The following MLLT10 variants were observed in gnomAD, a reference collection of about 807,000 sequenced individuals.
MLLT10 encodes the protein protein AF-10.
Under a neutral mutation model 129.1 loss-of-function variants are expected in MLLT10, and 30 were observed. That is an observed-to-expected ratio of 0.23 (90% CI 0.17 to 0.32). The LOEUF is 0.32. MLLT10 is among the 10% of genes least tolerant of loss of function. The probability of loss-of-function intolerance (pLI) is 1.00; values close to 1 mark genes in which losing one functional copy is unlikely to be tolerated. For missense variants in MLLT10, 1,119 were observed against 1,268.3 expected (o/e 0.88, Z 1.79); for synonymous variants, 490 against 446.4 (o/e 1.10, Z -1.23).
chr10:21,597,367 A>ATTTATT (rs1043086520), intron 5 of MLLT10, among the ~76,000 whole-genome samples: 2 of 152,012 alleles, frequency 1.3e-5, no homozygotes, highest in Admixed American at 6.6e-5. Flanking sequence ...TGGTCTTTTT[A>ATTTATT]TTTATTTTTA....
chr10:21,614,527 G>C (rs2045029673), intron 6 of MLLT10, among the ~76,000 whole-genome samples: 1 of 152,118 alleles, frequency 6.6e-6, no homozygotes, highest in South Asian at 2.1e-4. Context: ...TGAGGGGGAA[G>C]AGAATGTATC....
At chr10:21,560,480 G>A (rs900130710) in intron 3 of MLLT10, among the ~76,000 whole-genome samples, 1 of 152,018 alleles carries the variant, frequency 6.6e-6, no homozygotes, top group African/African-American at 2.4e-5. Flanking sequence ...CTGTCATTCA[G>A]CATTGAAGTG....
At chr10:21,554,722 A>G (rs930658287) in intron 3 of MLLT10, among the ~76,000 whole-genome samples, 2 of 151,706 alleles carry the variant, frequency 1.3e-5, no homozygotes, top group Non-Finnish European at 2.9e-5. Context: ...GGCCTCCCAA[A>G]GTGCTGGGAC....
intron 2 of MLLT10, among the ~76,000 whole-genome samples, 169 bp downstream of exon 2, chr10:21,534,973 G>T (rs904596262): frequency 6.7e-6 from 1 of 149,476 alleles, no homozygotes; most frequent in South Asian, 2.1e-4. Context: ...GTGGGAGAAA[G>T]TGCGTGTGGC....
chr10:21,624,813 C>T (rs955591360), intron 8 of MLLT10: 109 of 1,068,480 alleles, frequency 1.0e-4, no homozygotes, highest in Non-Finnish European at 1.4e-4. Context: ...CTGAGATCCA[C>T]GGGAACCACG....
At chr10:21,695,259 G>A (rs1347524460) in intron 13 of MLLT10, among the ~76,000 whole-genome samples, 1 of 151,872 alleles carries the variant, frequency 6.6e-6, no homozygotes, top group Non-Finnish European at 1.5e-5. Flanking sequence ...GGCTGGTCTC[G>A]AACTCCTGAC....
chr10:21,551,799 T>C (rs1277904345), intron 3 of MLLT10: 2 of 421,934 alleles, frequency 4.7e-6, no homozygotes, highest in Non-Finnish European at 9.2e-6. Flanking sequence ...TGTCTCTCTC[T>C]CTTTTTTTTT....
chr10:21,669,712 T>C (rs1415378770), intron 9 of MLLT10, among the ~76,000 whole-genome samples: 1 of 152,194 alleles, frequency 6.6e-6, no homozygotes, highest in African/African-American at 2.4e-5. Context: ...TGTAGTCATT[T>C]TATTCACCAT....
In MLLT10 at chr10:21,534,513, A is replaced by G; in HGVS notation, c.-8A>G. 1.0e-6 allele frequency: 1 copy of G among 959,748 alleles called. No individual in the cohort carries two copies. The highest frequency in any genetic ancestry group is 1.7e-5 in the South Asian group (1 of 58,752). 59.5% of individuals were successfully genotyped at this position (959,748 alleles called of 1,614,324 possible). On this transcript the variant is annotated 5_prime_UTR_variant, in exon 1 of 23. Transcript: ENST00000307729. ...GCGGAACGTGAGTGACTGAGCGGCA[A>G]AGCCCGAGTGAGCGAGCGGTGGGCT...
intron 14 of MLLT10, among the ~76,000 whole-genome samples, chr10:21,717,459 CTG>C (rs1481074878): frequency 2.0e-5 from 3 of 148,070 alleles, no homozygotes; most frequent in Non-Finnish European, 4.5e-5. Context: ...CTTTAAAAAA[CTG>C]TTTGATTTTA....
At chr10:21,651,456 A>G (rs2049022858) in intron 8 of MLLT10, among the ~76,000 whole-genome samples, 1 of 152,214 alleles carries the variant, frequency 6.6e-6, no homozygotes, top group South Asian at 2.1e-4. Context: ...GTTTATTAGT[A>G]TTATTTTAGG....
intron 8 of MLLT10, among the ~76,000 whole-genome samples, chr10:21,629,397 ACT>A (rs1475531521): frequency 1.4e-4 from 21 of 151,932 alleles, no homozygotes; most frequent in Middle Eastern, 6.8e-3. Context: ...TGTTATTTTT[ACT>A]CTCTATTGGA....
intron 8 of MLLT10, among the ~76,000 whole-genome samples, chr10:21,648,382 T>C (rs1039647512): frequency 3.3e-5 from 5 of 152,198 alleles, no homozygotes; most frequent in African/African-American, 9.7e-5. Context: ...CATCTCTATA[T>C]TGTATGTTTT....
chr10:21,649,244 T>G (rs1266628081), intron 8 of MLLT10, among the ~76,000 whole-genome samples: 1 of 151,942 alleles, frequency 6.6e-6, no homozygotes, highest in Non-Finnish European at 1.5e-5. Flanking sequence ...CTTGGCTAAT[T>G]TTTTATTTTT....
chr10:21,701,921 G>T (rs775027897), intron 13 of MLLT10, among the ~76,000 whole-genome samples: 1 of 146,634 alleles, frequency 6.8e-6, no homozygotes, highest in Admixed American at 6.9e-5. Flanking sequence ...TTCTCGTCTC[G>T]TCTCGTCTCG....
chr10:21,704,016 G>GTTTTTTTTTTTT lies in MLLT10; in HGVS notation c.1700-9744_1700-9733dup, dbSNP rs60982595. On this transcript the variant is annotated intron_variant, in intron 13 of 22. Transcript: ENST00000307729. The stretch of plus-strand genomic sequence containing the variant: ...ACATTTTGGATTTCGATTGTTTTTT[G>GTTTTTTTTTTTT]TTTTTTTTTTTTTTTTTTTTTTTGA... Among the ~76,000 whole-genome samples the GTTTTTTTTTTTT allele has an allele frequency of 4.0e-3, 226 of 56,624 alleles. 8 individuals carry two copies. Among genetic ancestry groups the GTTTTTTTTTTTT allele is most frequent in the African/African-American group, 6.2e-3 (85 of 13,754 alleles). 37.1% of individuals were successfully genotyped at this position (56,624 alleles called of 152,430 possible). A position where few individuals can be genotyped will look rare whatever the true frequency, so the allele number is the denominator to read the frequency against.
intron 2 of MLLT10, among the ~76,000 whole-genome samples, chr10:21,537,451 C>T (rs1044527235): frequency 6.6e-6 from 1 of 152,034 alleles, no homozygotes; most frequent in Non-Finnish European, 1.5e-5. Flanking sequence ...GCACTACCAC[C>T]ACACCTGGCT....
At chr10:21,646,618 T>C (rs905631125) in intron 8 of MLLT10, among the ~76,000 whole-genome samples, 12 of 152,176 alleles carry the variant, frequency 7.9e-5, no homozygotes, top group Non-Finnish European at 1.5e-4. Flanking sequence ...TGAGATATCA[T>C]GTGTATTCAT....
Position 21,687,501 on chromosome 10 carries a change from A to G in MLLT10, c.1699+5244A>G, listed in dbSNP as rs984137077. 2.6e-5 allele frequency among the ~76,000 whole-genome samples: 4 copies of G among 152,300 alleles called. No homozygotes were observed. In the South Asian group the frequency reaches 6.2e-4, roughly 24 times the overall value. ...GAGATTGAGAATCTAGCTCATTCTA[A>G]ATTTAATTTCCTTTTAATCACAACA... On this transcript the variant is annotated intron_variant, in intron 13 of 22. Transcript: ENST00000307729.
Sources: gnomAD v4.1 joint callset for allele counts (sites outside exome capture counted in the v4.1 genomes callset) on GRCh38, gnomAD v4.1.1 for gene constraint, MANE v1.5 for transcripts, NCBI Gene and HGNC (gene_info 2026-07-23, HGNC 2026-07-21) for gene names.